The following SLC25A26 variants were observed in gnomAD, a reference collection of about 807,000 sequenced individuals.
SLC25A26 encodes the protein mitochondrial S-adenosylmethionine carrier protein.
Under a neutral mutation model 37.8 loss-of-function variants are expected in SLC25A26, and 36 were observed. The observed-to-expected ratio is 0.95, with a 90% CI of 0.73 to 1.26. The LOEUF is 1.26. SLC25A26 is among the 50% of genes most tolerant of loss of function. The pLI is 0.00. For synonymous variants in SLC25A26, 129 were observed against 122.5 expected, an observed-to-expected ratio of 1.05 and a Z score of -0.35; for missense variants, 390 against 331.1, an observed-to-expected ratio of 1.18 and a Z score of -1.38.
At chr3:66,284,443 C>A (rs2074442494) in intron 5 of SLC25A26, among the ~76,000 whole-genome samples, 1 of 152,114 alleles carries the variant, frequency 6.6e-6, no homozygotes, top group African/African-American at 2.4e-5. Context: ...AACTGAAGAT[C>A]CATATAAGCT....
At chr3:66,297,109 G>C (rs1003928112) in intron 5 of SLC25A26, among the ~76,000 whole-genome samples, 3 of 152,184 alleles carry the variant, frequency 2.0e-5, no homozygotes, top group Non-Finnish European at 4.4e-5. Flanking sequence ...TGGATCACCT[G>C]AGGTCAGAAG....
intron 5 of SLC25A26, among the ~76,000 whole-genome samples, chr3:66,334,270 A>G (rs113350524): frequency 1.3e-5 from 2 of 152,220 alleles, no homozygotes; most frequent in African/African-American, 2.4e-5. Context: ...CCAATGGAGT[A>G]TGAGTGGATG....
At chr3:66,296,675 T>C (rs529452210) in intron 5 of SLC25A26, among the ~76,000 whole-genome samples, 1 of 151,714 alleles carries the variant, frequency 6.6e-6, no homozygotes, top group African/African-American at 2.4e-5. Context: ...ATATTTAACT[T>C]AATAATTATT....
At chr3:66,326,924 G>A (rs933408099) in intron 5 of SLC25A26, among the ~76,000 whole-genome samples, 2 of 152,204 alleles carry the variant, frequency 1.3e-5, no homozygotes, top group Admixed American at 1.3e-4. Context: ...CTGGTGGGTT[G>A]CAGATGTTAG....
At chr3:66,214,505 T>G (rs1018367965) in intron 1 of SLC25A26, among the ~76,000 whole-genome samples, 1 of 152,236 alleles carries the variant, frequency 6.6e-6, no homozygotes, top group Non-Finnish European at 1.5e-5. Flanking sequence ...AAAAAAATCC[T>G]TGCCTATTTA....
chr3:66,323,799 T>G (rs1011512353), intron 5 of SLC25A26: 1 of 152,152 alleles, frequency 6.6e-6, no homozygotes, highest in Non-Finnish European at 1.5e-5. Flanking sequence ...AGTGACAAAC[T>G]GAGGCCCTGT....
chr3:66,150,600 TGA>T (rs1559551875), intron 1 of SLC25A26, among the ~76,000 whole-genome samples: 10 of 39,710 alleles, frequency 2.5e-4, no homozygotes, highest in African/African-American at 3.6e-4. Context: ...ATATATGTAA[TGA>T]GATATATATA....
At chr3:66,221,190 G>A in intron 1 of SLC25A26, 63 bp downstream of exon 1, 1 of 1,478,402 alleles carries the variant, frequency 6.8e-7, no homozygotes. Flanking sequence ...GAGCCCGCGG[G>A]CGTTCTCTGC....
At position 66,377,853 on chromosome 3, in the gene SLC25A26, C is replaced by A; in HGVS notation, c.*46C>A. The A allele has an allele frequency of 7.2e-7, 1 of 1,396,712 alleles. No individual in the cohort carries two copies. The highest frequency in any genetic ancestry group is 1.0e-6 in the Non-Finnish European group (1 of 982,290). 86.5% of individuals were successfully genotyped at this position (1,396,712 alleles called of 1,614,324 possible). A position where few individuals can be genotyped will look rare whatever the true frequency, so the allele number is the denominator to read the frequency against. Reference sequence around the variant, plus strand: ...CCACTTCTGTCAAGAGAGGGGCCTGCAGTGCAAACCCTCTTCCGCTGAGCA... The same window carrying A: ...CCACTTCTGTCAAGAGAGGGGCCTGAAGTGCAAACCCTCTTCCGCTGAGCA... On this transcript the variant is annotated 3_prime_UTR_variant, in exon 10 of 10. Transcript: ENST00000354883.
intron 3 of SLC25A26, among the ~76,000 whole-genome samples, chr3:66,246,716 C>G (rs2072859603): frequency 6.6e-6 from 1 of 152,044 alleles, no homozygotes; most frequent in African/African-American, 2.4e-5. Flanking sequence ...CTGGTAAGGC[C>G]AATTATCAAA....
intron 5 of SLC25A26, among the ~76,000 whole-genome samples, chr3:66,341,619 T>C (rs529071738): frequency 2.0e-5 from 3 of 152,320 alleles, no homozygotes; most frequent in Non-Finnish European, 2.9e-5. Flanking sequence ...AGTCAAACTG[T>C]TCACACTCAT....
chr3:66,272,060 A>G (rs2073979300), intron 5 of SLC25A26, among the ~76,000 whole-genome samples: 1 of 152,130 alleles, frequency 6.6e-6, no homozygotes, highest in African/African-American at 2.4e-5. Flanking sequence ...ATATGTAAAC[A>G]CCTAAAAAAT....
upstream of SLC25A26, among the ~76,000 whole-genome samples, chr3:66,219,646 C>T (rs1018133439): frequency 2.0e-5 from 3 of 152,030 alleles, no homozygotes; most frequent in Admixed American, 1.3e-4. Flanking sequence ...GTGTGTAGTC[C>T]GGCTAGTGGG....
At chr3:66,162,359 T>G (rs1456395870) in intron 1 of SLC25A26, among the ~76,000 whole-genome samples, 3 of 150,724 alleles carry the variant, frequency 2.0e-5, no homozygotes, top group South Asian at 2.1e-4. Flanking sequence ...TTTTTTTTTT[T>G]TGTGGTTGGG....
chr3:66,288,403 C>T (rs765177277), intron 5 of SLC25A26, among the ~76,000 whole-genome samples: 3 of 152,172 alleles, frequency 2.0e-5, no homozygotes, highest in South Asian at 4.2e-4. Flanking sequence ...ATACATGTGC[C>T]ATGGTGGTTT....
chr3:66,227,136 G>A (rs1354638000), intron 1 of SLC25A26, among the ~76,000 whole-genome samples: 3 of 152,092 alleles, frequency 2.0e-5, no homozygotes, highest in Non-Finnish European at 4.4e-5. Context: ...CGTTTAATGC[G>A]AAGACTTGCT....
At chr3:66,170,480 G>A (rs376894087) in intron 1 of SLC25A26, among the ~76,000 whole-genome samples, 24 of 152,280 alleles carry the variant, frequency 1.6e-4, no homozygotes, top group African/African-American at 5.1e-4. Context: ...ATAGAATTGT[G>A]ATGAAGAGCG....
At chr3:66,228,164 G>A (rs957529866) in intron 1 of SLC25A26, among the ~76,000 whole-genome samples, 1 of 152,188 alleles carries the variant, frequency 6.6e-6, no homozygotes, top group African/African-American at 2.4e-5. Context: ...CTCAGCCCGT[G>A]GAGCATGCAA....
chr3:66,139,790 CTA>C (rs1331157125), intron 1 of SLC25A26, among the ~76,000 whole-genome samples: 1 of 152,124 alleles, frequency 6.6e-6, no homozygotes, highest in African/African-American at 2.4e-5. Context: ...ACACTAAGCG[CTA>C]AAGCCGTGGG....
Sources: allele counts gnomAD v4.1 joint callset (sites outside exome capture counted in the v4.1 genomes callset), GRCh38; gene constraint gnomAD v4.1.1; transcripts MANE v1.5; gene names NCBI Gene and HGNC (gene_info 2026-07-23, HGNC 2026-07-21).